SUPT20H: variants seen among roughly 807,000 people sequenced by gnomAD.
SUPT20H encodes SPT20 homolog, SAGA complex component, also known as transcription factor SPT20 homolog.
Under a neutral mutation model 122.8 loss-of-function variants are expected in SUPT20H, and 82 were observed. The ratio of observed to expected loss-of-function variants is 0.67; its 90% CI spans 0.56 to 0.80. The LOEUF (loss-of-function observed/expected upper bound fraction) is 0.80, where lower values mean the gene tolerates loss of function less well. Ranked by LOEUF, SUPT20H falls within the 30% of genes least tolerant of loss-of-function variation. SUPT20H has a pLI of 0.00. For synonymous variants in SUPT20H, 291 were observed against 313.0 expected (o/e 0.93, Z 0.74); for missense variants, 831 against 921.6 (o/e 0.90, Z 1.27).
At chr13:37,020,055 T>C (rs2061237852) in intron 21 of SUPT20H, among the ~76,000 whole-genome samples, 1 of 152,198 alleles carries the variant, frequency 6.6e-6, no homozygotes, top group Admixed American at 6.5e-5. Context: ...CATTTTCTTT[T>C]CATAATCCTA....
chr13:37,023,918 T>A (rs1245878945), intron 19 of SUPT20H, 117 bp downstream of exon 19: 3 of 1,005,156 alleles, frequency 3.0e-6, no homozygotes, highest in African/African-American at 3.3e-5. Flanking sequence ...AACTTATACA[T>A]TTTGGGTACA....
intron 1 of SUPT20H, 187 bp downstream of exon 1, chr13:37,059,372 G>A (rs1393102299): frequency 6.6e-6 from 1 of 152,144 alleles, no homozygotes; most frequent in Non-Finnish European, 1.5e-5. Context: ...CGCGAAAGGC[G>A]ATGTAGGCGT....
At chr13:37,036,308 C>T (rs1168780034) in intron 9 of SUPT20H, among the ~76,000 whole-genome samples, 1 of 145,672 alleles carries the variant, frequency 6.9e-6, no homozygotes, top group Non-Finnish European at 1.5e-5. Flanking sequence ...TTGAACTATG[C>T]AGGTCCACTT....
intron 1 of SUPT20H, among the ~76,000 whole-genome samples, chr13:37,053,380 T>G (rs1199972): frequency 0.93 from 141,075 of 152,160 alleles, 65,505 homozygotes; most frequent in East Asian, 1. Context: ...GCAGTGACAT[T>G]AATGATTCTG....
chr13:37,019,370 G>T lies in SUPT20H; in HGVS notation c.1844C>A (p.Ser615Ter), dbSNP rs756283101. ...AGVPFGLKNT[S>*]SLRPLNLLQL... is the part of the protein sequence containing the mutation. ...GAGTAGATTTAAGGGCCTGAGACTT[G>T]AAGTATTTTTTAAACCAAATGGAAC... Residue 615 changes from serine (S) to a stop codon, truncating the protein, a stop_gained, in exon 22 of 26, where the codon TCA (serine) becomes TAA (stop). Transcript: ENST00000350612. LOFTEE classifies it high-confidence loss of function. 1 of 1,604,486 alleles carries T rather than the reference G, an allele frequency of 6.2e-7. No individual in the cohort carries two copies. Among genetic ancestry groups the T allele is most frequent in the Admixed American group, 1.7e-5 (1 of 58,198 alleles).
intron 9 of SUPT20H, among the ~76,000 whole-genome samples, chr13:37,037,645 TCAG>T (rs761341852): frequency 2.0e-5 from 3 of 152,220 alleles, no homozygotes; most frequent in Non-Finnish European, 2.9e-5. Context: ...ATGGCATTTT[TCAG>T]TAACTGTGAA....
intron 9 of SUPT20H, among the ~76,000 whole-genome samples, chr13:37,036,026 GAAAC>G (rs1457300262): frequency 6.6e-6 from 1 of 152,164 alleles, no homozygotes; most frequent in Non-Finnish European, 1.5e-5. Context: ...TTTCATGAAA[GAAAC>G]AATCAATGGG....
In SUPT20H at chr13:37,047,784, A is replaced by G. The variant is rs1379726326; in HGVS notation, c.98+94T>C. ...TCCTAATACATGCAAAGAACCTATAAAATTTCTAGCTCAGTCCCTACGAGG... is the reference window on the plus strand; with the variant it reads ...TCCTAATACATGCAAAGAACCTATAGAATTTCTAGCTCAGTCCCTACGAGG... On this transcript the variant is annotated intron_variant, in intron 4 of 25. Transcript: ENST00000350612. 2.2e-6 allele frequency: 3 copies of G among 1,337,548 alleles called. No homozygotes were observed. In the African/African-American group the frequency reaches 4.5e-5, roughly 20 times the overall value. 82.9% of individuals were successfully genotyped at this position (1,337,548 alleles called of 1,614,324 possible). A position where few individuals can be genotyped will look rare whatever the true frequency, so the allele number is the denominator to read the frequency against.
intron 23 of SUPT20H, among the ~76,000 whole-genome samples, chr13:37,016,168 T>C (rs1331435280): frequency 6.6e-6 from 1 of 152,138 alleles, no homozygotes; most frequent in Non-Finnish European, 1.5e-5. Context: ...CGGTGGCTCA[T>C]GCCTGTAATC....
Position 37,051,172 on chromosome 13 carries a change from C to T in SUPT20H, c.3+316G>A, listed in dbSNP as rs117298383. Among the ~76,000 whole-genome samples the T allele has an allele frequency of 4.2e-4, 64 of 152,204 alleles. No individual in the cohort carries two copies. The East Asian group carries it at 0.011, about 26-fold the overall frequency. ...TAAAATACGAGAAATCTATACTCCC[C>T]AAAACTATTTGTATTTATACCCATC... On this transcript the variant is annotated intron_variant, in intron 2 of 25. Coordinates refer to ENST00000350612, the MANE Select transcript of SUPT20H (RefSeq NM_001014286.3).
intron 16 of SUPT20H, chr13:37,025,832 T>C (rs1191460882): frequency 9.8e-6 from 2 of 204,400 alleles, no homozygotes; most frequent in African/African-American, 4.6e-5. Context: ...AACAAAACTA[T>C]ATTTTAAACA....
chr13:37,043,936 T>A, intron 7 of SUPT20H, 142 bp downstream of exon 7: 1 of 549,644 alleles, frequency 1.8e-6, no homozygotes, highest in Non-Finnish European at 3.1e-6. Flanking sequence ...TTGGGAACAG[T>A]GATAGAAATT....
chr13:37,046,444 A>C (rs1300031358), intron 5 of SUPT20H, among the ~76,000 whole-genome samples: 1 of 152,178 alleles, frequency 6.6e-6, no homozygotes, highest in Non-Finnish European at 1.5e-5. Context: ...TGGGCCAGAT[A>C]GTATTTTACG....
At position 37,031,805 on chromosome 13, in the gene SUPT20H, G is replaced by C; in HGVS notation, c.798C>G (p.Phe266Leu). ...CTTTTCTTTCCTTTCTTTTTTGTAAGAAATCAAGTAACCTCAGCTGAGGAG... is the reference window on the plus strand; with the variant it reads ...CTTTTCTTTCCTTTCTTTTTTGTAACAAATCAAGTAACCTCAGCTGAGGAG... ...PPPPQLRLLD[F>L]LQKRKERKAG... The change falls in exon 11 of 26, where the codon TTC (phenylalanine) becomes TTG (leucine). Residue 266 changes from phenylalanine (F) to leucine (L), a missense_variant. By Grantham distance (22) the Phe-to-Leu change is conservative. Coordinates refer to ENST00000350612, the MANE Select transcript of SUPT20H (RefSeq NM_001014286.3). The C allele has an allele frequency of 6.2e-7, 1 of 1,608,866 alleles. No homozygotes were observed. Among genetic ancestry groups the C allele is most frequent in the Non-Finnish European group, 8.5e-7 (1 of 1,178,294 alleles).
chr13:37,014,703 T>G (rs2139157476), intron 23 of SUPT20H, among the ~76,000 whole-genome samples: 1 of 152,252 alleles, frequency 6.6e-6, no homozygotes, highest in East Asian at 1.9e-4. Flanking sequence ...TAAGCAGTAC[T>G]GAGAAGGAAA....
In SUPT20H at chr13:37,026,794, TTGAA is replaced by T. The variant is rs1382279742; in HGVS notation, c.1170_1173del (p.His390GlnfsTer15). 3 of 1,438,260 alleles carry T rather than the reference TTGAA, an allele frequency of 2.1e-6. No individual in the cohort carries two copies. The highest frequency in any genetic ancestry group is 1.5e-5 in the African/African-American group (1 of 67,506). The allele number at this position is 1,438,260 out of a possible 1,614,324, so 89.1% of individuals were successfully genotyped here. On this transcript the variant is annotated frameshift_variant, in exon 15 of 26. Coordinates refer to ENST00000350612, the MANE Select transcript of SUPT20H (RefSeq NM_001014286.3). LOFTEE classifies it high-confidence loss of function. Reference sequence around the variant, plus strand: ...AATAGTTTATTTTTTAATTACCAATTTGAATGATCATCTGTGGACGAGCTGAAAT... The same window carrying T: ...AATAGTTTATTTTTTAATTACCAATTTGATCATCTGTGGACGAGCTGAAAT...
Position 37,040,633 on chromosome 13 carries a change from A to G in SUPT20H, c.456T>C (p.Ser152=). 3 of 1,614,168 alleles carry G rather than the reference A, an allele frequency of 1.9e-6. No individual in the cohort carries two copies. In the South Asian group the frequency reaches 3.3e-5, roughly 18 times the overall value. Residue 152 remains serine (S), a synonymous_variant, in exon 8 of 26, where the codon AGT becomes AGC. Transcript: ENST00000350612. ...IAEIRDYRQS[S]NMKSPGYQSR... ...TTTGGTAACCAGGAGATTTCATGTTACTGGACTGCCTGTAGTCACGTATTT... is the reference window on the plus strand; with the variant it reads ...TTTGGTAACCAGGAGATTTCATGTTGCTGGACTGCCTGTAGTCACGTATTT...
intron 1 of SUPT20H, among the ~76,000 whole-genome samples, chr13:37,056,644 TGAG>T (rs1566392591): frequency 6.6e-6 from 1 of 151,704 alleles, no homozygotes; most frequent in Non-Finnish European, 1.5e-5. Flanking sequence ...AGGGATAGCA[TGAG>T]GAGATATACC....
intron 7 of SUPT20H, among the ~76,000 whole-genome samples, chr13:37,041,944 C>T (rs2065543685): frequency 6.6e-6 from 1 of 152,178 alleles, no homozygotes; most frequent in Admixed American, 6.5e-5. Context: ...AGATCTGAAT[C>T]ACAAGAAACG....
Sources: allele counts gnomAD v4.1 joint callset (sites outside exome capture counted in the v4.1 genomes callset), GRCh38; gene constraint gnomAD v4.1.1; transcripts MANE v1.5; gene names NCBI Gene and HGNC (gene_info 2026-07-23, HGNC 2026-07-21).